The following HMCN2 variants were observed in gnomAD, a reference collection of about 807,000 sequenced individuals.
The protein encoded by HMCN2 is hemicentin-2.
A neutral mutation model predicts 377.5 loss-of-function variants in HMCN2; 325 were observed. The ratio of observed to expected loss-of-function variants is 0.86; its 90% CI spans 0.79 to 0.94. The LOEUF (loss-of-function observed/expected upper bound fraction) is 0.94, where lower values mean the gene tolerates loss of function less well. Ranked by LOEUF, HMCN2 falls within the 40% of genes least tolerant of loss-of-function variation. The pLI, the probability that HMCN2 is intolerant of heterozygous loss-of-function variation, is 0.00. For synonymous variants in HMCN2, 2,007 were observed against 2,046.8 expected, an observed-to-expected ratio of 0.98 and a Z score of 0.53; for missense variants, 4,543 against 4,725.3, an observed-to-expected ratio of 0.96 and a Z score of 1.13.
At position 130,395,228 on chromosome 9, in the gene HMCN2, G is replaced by C. The variant is rs957480159; in HGVS notation, c.10792G>C (p.Gly3598Arg). The change falls in exon 71 of 98, where the codon GGG becomes CGG. Residue 3598 changes from glycine to arginine, a missense_variant. Coordinates refer to ENST00000683500, the MANE Select transcript of HMCN2 (RefSeq NM_001291815.2). ...CTTCCCAGCCCCTCCAAACATTGTT[G>C]GGCCCCGAGGCCCCCGCTTTGTGGT... is the stretch of plus-strand genomic sequence containing the variant. ...VRVQAPPNIV[G>R]PRGPRFVVGL... The C allele has an allele frequency of 7.8e-7, 1 of 1,288,700 alleles. No individual in the cohort carries two copies. Among genetic ancestry groups the C allele is most frequent in the Admixed American group, 2.3e-5 (1 of 43,424 alleles). 79.8% of individuals were successfully genotyped at this position (1,288,700 alleles called of 1,614,324 possible). A position where few individuals can be genotyped will look rare whatever the true frequency, so the allele number is the denominator to read the frequency against.
chr9:130,279,264 C>A (rs191233084), intron 1 of HMCN2, among the ~76,000 whole-genome samples: 1 of 152,266 alleles, frequency 6.6e-6, no homozygotes, highest in Admixed American at 6.5e-5. Context: ...GATCTTCCCC[C>A]CTGACATGGA....
At position 130,351,451 on chromosome 9, in the gene HMCN2, C is replaced by A. The variant is rs1171123425; in HGVS notation, c.4459C>A (p.Gln1487Lys). Residue 1487 changes from glutamine (Q) to lysine (K), a missense_variant, in exon 30 of 98, where the codon CAG becomes AAG. Physicochemically the swap from Gln to Lys is moderately conservative, Grantham distance 53. Around this residue, in one of 5 missense-constraint regions of HMCN2, gnomAD observed 1,032 missense variants for 1,285.1 expected, o/e 0.80. Transcript: ENST00000683500. The surrounding 1 kb of genome is among the most constrained non-coding windows in gnomAD (Gnocchi z 5.4). ...TGTCCTTCCGGGAGGCCCTCACCTGCAGGTCCAGGAGGATGGCCAGGTTCT... is the reference window on the plus strand; with the variant it reads ...TGTCCTTCCGGGAGGCCCTCACCTGAAGGTCCAGGAGGATGGCCAGGTTCT... Reference protein sequence around the residue: ...QPVLPGGPHLQVQEDGQVLRI... With the variant: ...QPVLPGGPHLKVQEDGQVLRI... The A allele has an allele frequency of 7.7e-7, 1 of 1,304,222 alleles. No individual in the cohort carries two copies. Among genetic ancestry groups the A allele is most frequent in the South Asian group, 1.2e-5 (1 of 81,008 alleles). The allele number at this position is 1,304,222 out of a possible 1,614,324, so 80.8% of individuals were successfully genotyped here.
At chr9:130,379,717 C>G (rs576156296) in intron 54 of HMCN2, among the ~76,000 whole-genome samples, 2 of 152,222 alleles carry the variant, frequency 1.3e-5, no homozygotes, top group African/African-American at 4.8e-5. Context: ...AAATGATCGG[C>G]AGAAGCTGCC....
In HMCN2 at chr9:130,396,042, T is replaced by G. The variant is rs1223250744; in HGVS notation, c.11030T>G (p.Val3677Gly). ...TARNAAGSTS[V>G]AFRVEIHTVP... The stretch of plus-strand genomic sequence containing the variant: ...CGCAACGCCGCAGGCAGCACTAGTG[T>G]CGCCTTCCGCGTGGAGATCCACAGT... Residue 3677 changes from valine (V) to glycine (G), a missense_variant, in exon 72 of 98, where the codon GTC (valine) becomes GGC (glycine). By Grantham distance (109) the Val-to-Gly change is moderately radical. Transcript: ENST00000683500. 3 of 1,285,816 alleles carry G rather than the reference T, an allele frequency of 2.3e-6. No homozygotes were observed. The highest frequency in any genetic ancestry group is 3.0e-6 in the Non-Finnish European group (3 of 987,822). 79.7% of individuals were successfully genotyped at this position (1,285,816 alleles called of 1,614,324 possible).
At chr9:130,276,074 A>T (rs1834676889) in intron 1 of HMCN2, among the ~76,000 whole-genome samples, 1 of 116,332 alleles carries the variant, frequency 8.6e-6, no homozygotes, top group African/African-American at 3.3e-5. Flanking sequence ...CAGAAAGGTG[A>T]GGAAGCCATG....
At chr9:130,402,353 G>A (rs1842892624) in intron 77 of HMCN2, among the ~76,000 whole-genome samples, 1 of 152,236 alleles carries the variant, frequency 6.6e-6, no homozygotes, top group African/African-American at 2.4e-5. Context: ...CCAAGGCTAA[G>A]GCCAGGAGGA....
rs187005057 is a variant in HMCN2 at position 130,268,753 on chromosome 9, G to A, written c.259+2616G>A. On this transcript the variant is annotated intron_variant, in intron 1 of 97. Transcript: ENST00000683500. ...CTGGGTAAGGACCGGGGGATGGACA[G>A]GAGGGCTGATGTGGAGGGACAGGTG... 3.7e-3 allele frequency among the ~76,000 whole-genome samples: 556 copies of A among 149,200 alleles called. 14 individuals carry two copies. Among genetic ancestry groups the A allele is most frequent in the African/African-American group, 0.012 (510 of 41,356 alleles).
intron 1 of HMCN2, among the ~76,000 whole-genome samples, chr9:130,275,152 G>T (rs146709299): frequency 6.6e-6 from 1 of 151,990 alleles, no homozygotes; most frequent in African/African-American, 2.4e-5. Context: ...TTTTTTGCTA[G>T]TTTCCTAGGT....
At chr9:130,325,315 C>T (rs1470278259) in intron 19 of HMCN2, among the ~76,000 whole-genome samples, 4 of 151,798 alleles carry the variant, frequency 2.6e-5, no homozygotes, top group Non-Finnish European at 5.9e-5. Flanking sequence ...AGGCTGGTCT[C>T]GAACTCCTGA....
intron 1 of HMCN2, among the ~76,000 whole-genome samples, chr9:130,280,390 T>A (rs1209582709): frequency 6.6e-6 from 1 of 151,322 alleles, no homozygotes; most frequent in Non-Finnish European, 1.5e-5. Context: ...GCCAGGATGG[T>A]CTCGATCTCC....
Position 130,347,259 on chromosome 9 carries a change from T to C in HMCN2, c.3923T>C (p.Leu1308Pro), listed in dbSNP as rs1839438421. ...GTGGCAGTGCTGGAGGAGGGGTCTC[T>C]GTTCCTGGCCTCCGTCTCACCTGCG... ...PGVAVLEEGS[L>P]FLASVSPADS... The change falls in exon 26 of 98, where the codon CTG becomes CCG. Residue 1308 changes from leucine (L) to proline (P), a missense_variant. Leu to Pro is a moderately conservative substitution (Grantham distance 98, BLOSUM62 -3). Around this residue, in one of 5 missense-constraint regions of HMCN2, gnomAD observed 547 missense variants for 189.9 expected, o/e 2.88. Transcript: ENST00000683500. The surrounding 1 kb of genome is among the most constrained non-coding windows in gnomAD (Gnocchi z 5.1). 1 of 152,178 alleles carries C rather than the reference T, an allele frequency of 6.6e-6. No homozygotes were observed. Among genetic ancestry groups the C allele is most frequent in the Non-Finnish European group, 1.5e-5 (1 of 68,030 alleles). 9.4% of individuals were successfully genotyped at this position (152,178 alleles called of 1,614,324 possible).
chr9:130,398,856 C>T (rs140427595), intron 75 of HMCN2, 149 bp downstream of exon 75: 10,866 of 625,600 alleles, frequency 0.017, 158 homozygotes, highest in Middle Eastern at 0.033. Flanking sequence ...CTTTGGGGAT[C>T]AGAGAGTCTT....
At chr9:130,427,662 AC>A in intron 92 of HMCN2, 43 bp downstream of exon 92, 1 of 1,529,884 alleles carries the variant, frequency 6.5e-7, no homozygotes, top group Non-Finnish European at 8.8e-7. Flanking sequence ...CGCTCCTCAG[AC>A]CTGACCCAGG....
In HMCN2 at chr9:130,304,044, A is replaced by G. The variant is rs572236503; in HGVS notation, c.1543+436A>G. 7.9e-5 allele frequency among the ~76,000 whole-genome samples: 12 copies of G among 152,356 alleles called. No individual in the cohort carries two copies. Among genetic ancestry groups the G allele is most frequent in the African/African-American group, 2.6e-4 (11 of 41,588 alleles). On this transcript the variant is annotated intron_variant, in intron 10 of 97. Transcript: ENST00000683500. The surrounding 1 kb of genome is among the most constrained non-coding windows in gnomAD (Gnocchi z 4.3). ...AAATTACGAACGCAAGCTGCTTTGT[A>G]GAGAAAAAAAGGAACCCGTAAGCGT...
intron 85 of HMCN2, among the ~76,000 whole-genome samples, chr9:130,417,591 G>C (rs950618620): frequency 6.6e-6 from 1 of 151,766 alleles, no homozygotes; most frequent in South Asian, 2.1e-4. Flanking sequence ...GGGAGAGAGA[G>C]AGAGAAGAGA....
intron 4 of HMCN2, among the ~76,000 whole-genome samples, chr9:130,293,279 G>GATTTTT (rs1835901264): frequency 1.8e-5 from 1 of 57,126 alleles, no homozygotes; most frequent in Non-Finnish European, 2.7e-5. Flanking sequence ...ACTCACTAAA[G>GATTTTT]TTTTTTTTTT....
rs775576616 is a variant in HMCN2 at position 130,403,835 on chromosome 9, T to C, written c.12108T>C (p.Ser4036=). ...ACTATCTCTGCATCGCTAAGAACAG[T>C]GCGGGCAGTGCCATGGGGAAGACGC... The part of the protein sequence containing the change: ...AGNYLCIAKN[S]AGSAMGKTRL... The change falls in exon 80 of 98, where the codon AGT becomes AGC. Residue 4036 remains serine (S), a synonymous_variant. Coordinates refer to ENST00000683500, the MANE Select transcript of HMCN2 (RefSeq NM_001291815.2). 1 of 1,289,650 alleles carries C rather than the reference T, an allele frequency of 7.8e-7. No homozygotes were observed. The highest frequency in any genetic ancestry group is 2.1e-4 in the Middle Eastern group (1 of 4,694). The allele number at this position is 1,289,650 out of a possible 1,614,324, so 79.9% of individuals were successfully genotyped here.
At chr9:130,358,756 C>G (rs999113018) in intron 36 of HMCN2, among the ~76,000 whole-genome samples, 1 of 152,020 alleles carries the variant, frequency 6.6e-6, no homozygotes, top group Admixed American at 6.5e-5. Context: ...TCACCGCAAG[C>G]TCCGCCTGCC....
intron 1 of HMCN2, among the ~76,000 whole-genome samples, chr9:130,272,223 TTTAAAA>T (rs1834442128): frequency 4.7e-5 from 7 of 149,280 alleles, no homozygotes; most frequent in African/African-American, 1.7e-4. Flanking sequence ...CTTCTTCTTT[TTTAAAA>T]AAAATAAATT....
Sources: gnomAD v4.1 joint callset for allele counts (sites outside exome capture counted in the v4.1 genomes callset) on GRCh38, gnomAD v4.1.1 for gene constraint, gnomAD v4.1.1 regional missense constraint, Gnocchi (gnomAD v3.1) non-coding constraint, MANE v1.5 for transcripts, NCBI Gene and HGNC (gene_info 2026-07-23, HGNC 2026-07-21) for gene names.